Variants in CUX1 observed in about 807,000 individuals in gnomAD.
CUX1 encodes the protein protein CASP.
A neutral mutation model predicts 158.8 loss-of-function variants in CUX1; 31 were observed. The observed-to-expected ratio is 0.20, with a 90% confidence interval of 0.15 to 0.26. The LOEUF is 0.26. CUX1 is among the 10% of genes least tolerant of loss of function. The pLI is 1.00. For synonymous variants in CUX1, 879 were observed against 862.1 expected (o/e 1.02, Z -0.34); for missense variants, 1,589 against 2,014.6 (o/e 0.79, Z 4.04).
At chr7:102,084,586 C>A (rs1827770371) in intron 4 of CUX1, among the ~76,000 whole-genome samples, 1 of 144,810 alleles carries the variant, frequency 6.9e-6, no homozygotes, top group Non-Finnish European at 1.6e-5. Context: ...CCACGCCTGG[C>A]TAATTTTTTT....
intron 22 of CUX1, among the ~76,000 whole-genome samples, chr7:102,238,085 C>G (rs1309026539): frequency 6.6e-6 from 1 of 152,190 alleles, no homozygotes; most frequent in Non-Finnish European, 1.5e-5. Flanking sequence ...ACCACTGAAG[C>G]ACAGCATCAC....
rs1554519912 is a variant in CUX1, at chr7:102,201,905, C to T, written c.2608C>T (p.Leu870Phe). ...GSQPRAERSQLQGPSSSEYWK... is the reference protein window; with the variant it reads ...GSQPRAERSQFQGPSSSEYWK... ...CCAGCCTCGGGCCGAGCGCAGTCAG[C>T]TCCAGGGACCCTCGTCGTCAGAGTA... The change falls in exon 18 of 24, where the codon CTC becomes TTC. Residue 870 changes from leucine to phenylalanine, a missense_variant. Leu to Phe is a conservative substitution (Grantham distance 22, BLOSUM62 0). Coordinates refer to ENST00000292535, the MANE Select transcript of CUX1 (RefSeq NM_181552.4). The surrounding 1 kb of genome is among the most constrained non-coding windows in gnomAD (Gnocchi z 5.0). The T allele has an allele frequency of 1.2e-6, 2 of 1,613,874 alleles. No individual in the cohort carries two copies. The highest frequency in any genetic ancestry group is 1.3e-5 in the African/African-American group (1 of 74,924).
exon 15 of CUX1, chr7:102,273,429 A>T: frequency 6.2e-7 from 1 of 1,613,180 alleles, no homozygotes; most frequent in Non-Finnish European, 8.5e-7. Context: ...GAGCAGAGAG[A>T]GCTGATCGCC....
At chr7:101,825,578 T>G (rs926946783) in intron 1 of CUX1, among the ~76,000 whole-genome samples, 1 of 152,136 alleles carries the variant, frequency 6.6e-6, no homozygotes, top group Non-Finnish European at 1.5e-5. Context: ...TCCCGCAGTT[T>G]GTCATCCCGC....
At chr7:101,986,201 GA>G (rs1388267798) in intron 2 of CUX1, among the ~76,000 whole-genome samples, 2 of 152,202 alleles carry the variant, frequency 1.3e-5, no homozygotes, top group Non-Finnish European at 2.9e-5. Flanking sequence ...ACAAGAGATG[GA>G]ATTGGTAACG....
At position 102,250,696 on chromosome 7, in the gene CUX1, C is replaced by T. The variant is rs1268199747; in HGVS notation, c.*1654C>T. On this transcript the variant is annotated 3_prime_UTR_variant, in exon 24 of 24. Transcript: ENST00000292535. ...TTTTTATGCACAGTTTTAGGGCAGT[C>T]TAAGTACAAACTGAAAGTCTAACTT... The T allele has an allele frequency of 9.1e-6, 9 of 985,276 alleles. No individual in the cohort carries two copies. Among genetic ancestry groups the T allele is most frequent in the Non-Finnish European group, 1.1e-5 (9 of 829,948 alleles). The allele number at this position is 985,276 out of a possible 1,614,324, so 61.0% of individuals were successfully genotyped here.
intron 23 of CUX1, among the ~76,000 whole-genome samples, chr7:102,240,989 T>A (rs797032301): frequency 1.3e-5 from 2 of 152,132 alleles, no homozygotes; most frequent in African/African-American, 4.8e-5. Flanking sequence ...CCTGGCTAAT[T>A]TTTGTATTTT....
At chr7:101,989,301 G>A (rs538643339) in intron 2 of CUX1, among the ~76,000 whole-genome samples, 154 of 152,358 alleles carry the variant, frequency 1.0e-3, no homozygotes, top group African/African-American at 3.7e-3. Context: ...CTGGAACGAT[G>A]TCTGCGCCGA....
chr7:101,818,601 C>T (rs1792135560), intron 1 of CUX1, among the ~76,000 whole-genome samples: 3 of 152,148 alleles, frequency 2.0e-5, no homozygotes. Context: ...GAAATCAAAA[C>T]CAAACCCCAA....
intron 14 of CUX1, 141 bp from the exon 15 acceptor site, chr7:102,196,493 C>G (rs2131977961): frequency 1.4e-6 from 1 of 691,772 alleles, no homozygotes; most frequent in East Asian, 2.9e-5. Flanking sequence ...CAAACCAACC[C>G]ACCTCATTGG....
intron 6 of CUX1, among the ~76,000 whole-genome samples, chr7:102,110,504 A>T (rs183018367): frequency 6.6e-6 from 1 of 152,198 alleles, no homozygotes; most frequent in Non-Finnish European, 1.5e-5. Flanking sequence ...ATTCGTTCAT[A>T]TTACGCTGTA....
In CUX1 at chr7:102,258,183, C is replaced by T; in HGVS notation, c.*9141C>T. On this transcript the variant is annotated 3_prime_UTR_variant, in exon 24 of 24. Coordinates refer to ENST00000292535, the MANE Select transcript of CUX1 (RefSeq NM_181552.4). ...GACTCACACCATGTATTATTATTCA[C>T]TAGCACCCTAGGTGTGATAATTGAA... The T allele has an allele frequency of 3.0e-6, 3 of 984,806 alleles. No individual in the cohort carries two copies. Among genetic ancestry groups the T allele is most frequent in the Non-Finnish European group, 3.6e-6 (3 of 829,390 alleles). 61.0% of individuals were successfully genotyped at this position (984,806 alleles called of 1,614,324 possible).
intron 1 of CUX1, among the ~76,000 whole-genome samples, chr7:101,914,169 T>C (rs1192612794): frequency 2.0e-5 from 3 of 152,196 alleles, no homozygotes; most frequent in Non-Finnish European, 4.4e-5. Context: ...TCTTGAATTC[T>C]AGCCCACGTT....
intron 4 of CUX1, among the ~76,000 whole-genome samples, chr7:102,080,453 G>A (rs1827249506): frequency 6.6e-6 from 1 of 152,176 alleles, no homozygotes; most frequent in Non-Finnish European, 1.5e-5. Flanking sequence ...AGAGTGCCCT[G>A]GCGAAAAGTA....
chr7:101,889,975 G>A lies in CUX1; in HGVS notation c.31-26140G>A, dbSNP rs80038091. On this transcript the variant is annotated intron_variant, in intron 1 of 23. Transcript: ENST00000292535. Reference sequence around the variant, plus strand: ...TTTCCACCTTCACTACGGGGTACCAGGGTCTTTGTAGCAGAGAGGCAGCTG... The same window carrying A: ...TTTCCACCTTCACTACGGGGTACCAAGGTCTTTGTAGCAGAGAGGCAGCTG... Among the ~76,000 whole-genome samples the A allele has an allele frequency of 1.5e-4, 23 of 152,318 alleles. 1 individual carries two copies. In the East Asian group the frequency reaches 4.4e-3, roughly 29 times the overall value.
chr7:102,002,620 A>T (rs1423978558), intron 2 of CUX1, among the ~76,000 whole-genome samples: 2 of 152,224 alleles, frequency 1.3e-5, no homozygotes, highest in African/African-American at 4.8e-5. Flanking sequence ...ACAGTCTTCC[A>T]AGAGTCCAGC....
chr7:102,184,708 G>C (rs534318219), intron 11 of CUX1, among the ~76,000 whole-genome samples: 2 of 151,988 alleles, frequency 1.3e-5, no homozygotes, highest in African/African-American at 4.8e-5. Flanking sequence ...GTACAGTGGC[G>C]TGATCATAAT....
intron 1 of CUX1, among the ~76,000 whole-genome samples, chr7:101,884,811 C>A (rs923521295): frequency 6.6e-6 from 1 of 152,100 alleles, no homozygotes; most frequent in African/African-American, 2.4e-5. Context: ...ATTGGATAAA[C>A]AGAGGATTTG....
intron 10 of CUX1, among the ~76,000 whole-genome samples, chr7:102,171,509 G>A (rs141813658): frequency 5.2e-4 from 78 of 149,382 alleles, no homozygotes; most frequent in African/African-American, 1.6e-3. Context: ...GTGCAGTGGC[G>A]CAGTCTTGGC....
Sources: allele counts gnomAD v4.1 joint callset (sites outside exome capture counted in the v4.1 genomes callset), GRCh38; gene constraint gnomAD v4.1.1; non-coding constraint Gnocchi (gnomAD v3.1); transcripts MANE v1.5; gene names NCBI Gene and HGNC (gene_info 2026-07-23, HGNC 2026-07-21).